Variants in ESRRG observed in about 807,000 individuals in gnomAD.
ESRRG encodes estrogen related receptor gamma, also known as estrogen-related receptor gamma.
Under a neutral mutation model 44.0 loss-of-function variants are expected in ESRRG, and 13 were observed. That is an observed-to-expected ratio of 0.30 (90% CI 0.19 to 0.47). ESRRG has a LOEUF of 0.47. Among genes scored for constraint, ESRRG ranks in the 20% least tolerant of loss-of-function variants. The probability of loss-of-function intolerance (pLI) is 1.00; values close to 1 mark genes in which losing one functional copy is unlikely to be tolerated. For missense variants in ESRRG, 395 were observed against 580.6 expected (o/e 0.68, Z 3.29); for synonymous variants, 215 against 214.6 (o/e 1.00, Z -0.02).
chr1:216,715,979 A>C (rs181737593), intron 1 of ESRRG, among the ~76,000 whole-genome samples: 25 of 152,158 alleles, frequency 1.6e-4, no homozygotes, highest in Admixed American at 1.2e-3. Flanking sequence ...ATAAGTTCTT[A>C]ATTTATATTT....
In ESRRG at chr1:216,957,476, A is replaced by C. The variant is rs545944399; in HGVS notation, c.-105-17803T>G. Among the ~76,000 whole-genome samples the C allele has an allele frequency of 3.3e-5, 5 of 152,238 alleles. 1 individual carries two copies. In the South Asian group the frequency reaches 1.0e-3, roughly 32 times the overall value. On this transcript the variant is annotated intron_variant, in intron 1 of 7. Coordinates refer to the ESRRG transcript ENST00000359162. ...CCACATTACTCTCATTCTTTAAGCA[A>C]ATCTATCCTTCCCCAATATTTTACG...
chr1:217,133,641 C>CTTTCTTTCTTTCTTTCTT lies in ESRRG; in HGVS notation c.-230+4025_-230+4026insAAGAAAGAAAGAAAGAAA, dbSNP rs748711287. Among the ~76,000 whole-genome samples the CTTTCTTTCTTTCTTTCTT allele has an allele frequency of 6.4e-3, 268 of 41,728 alleles. 3 individuals are homozygous for CTTTCTTTCTTTCTTTCTT. The highest frequency in any genetic ancestry group is 0.017 in the African/African-American group (225 of 13,582). 27.4% of individuals were successfully genotyped at this position (41,728 alleles called of 152,430 possible). ...TCTTTCTTTCTTTCTTTCTCTCTCTCTCTCTCTTTCTTTCTTTCTTTCTTT... is the reference window on the plus strand; with the variant it reads ...TCTTTCTTTCTTTCTTTCTCTCTCTCTTTCTTTCTTTCTTTCTTTCTCTCTTTCTTTCTTTCTTTCTTT... On this transcript the variant is annotated intron_variant, in intron 1 of 8. Coordinates refer to the ESRRG transcript ENST00000366940.
intron 3 of ESRRG, among the ~76,000 whole-genome samples, chr1:216,627,201 T>C (rs1264793853): frequency 6.6e-6 from 1 of 152,240 alleles, no homozygotes; most frequent in Non-Finnish European, 1.5e-5. Context: ...AACTAGTTTG[T>C]AGCTACAAAT....
intron 1 of ESRRG, among the ~76,000 whole-genome samples, chr1:217,010,780 A>C (rs1202379260): frequency 2.0e-5 from 3 of 152,222 alleles, no homozygotes; most frequent in Non-Finnish European, 2.9e-5. Flanking sequence ...CCAGGAAAAC[A>C]ATGACCTTGA....
intron 5 of ESRRG, among the ~76,000 whole-genome samples, chr1:216,532,799 C>T (rs1000006751): frequency 3.9e-4 from 59 of 152,106 alleles, no homozygotes; most frequent in East Asian, 3.9e-4. Context: ...TATTTAGATC[C>T]GTAAAACATT....
At chr1:216,744,472 GCACACAGACATGCACA>G (rs1302405265) in intron 2 of ESRRG, among the ~76,000 whole-genome samples, 1 of 79,884 alleles carries the variant, frequency 1.3e-5, no homozygotes. Context: ...TTGAATATGT[GCACACAGACATGCACA>G]CACACACACA....
chr1:216,709,214 T>C (rs1418370271), intron 1 of ESRRG, among the ~76,000 whole-genome samples: 1 of 151,826 alleles, frequency 6.6e-6, no homozygotes, highest in East Asian at 1.9e-4. Flanking sequence ...TAAAGTATAA[T>C]TTAAAAAAAA....
At chr1:216,848,398 C>CTTTTTTTTTTT (rs34200168) in intron 2 of ESRRG, among the ~76,000 whole-genome samples, 2 of 142,864 alleles carry the variant, frequency 1.4e-5, no homozygotes, top group African/African-American at 2.6e-5. Flanking sequence ...AATTTCTTGG[C>CTTTTTTTTTTT]TTTTTTTTTT....
intron 1 of ESRRG, among the ~76,000 whole-genome samples, chr1:217,123,767 G>A (rs188553682): frequency 8.2e-4 from 125 of 152,134 alleles, no homozygotes; most frequent in African/African-American, 2.9e-3. Context: ...AGAGTAGGGG[G>A]GCAGCAAGAG....
intron 2 of ESRRG, among the ~76,000 whole-genome samples, chr1:216,886,252 T>C (rs1338405414): frequency 6.6e-6 from 1 of 152,092 alleles, no homozygotes; most frequent in Non-Finnish European, 1.5e-5. Flanking sequence ...TCCTGTAGGG[T>C]CACCTGGAGC....
chr1:216,751,176 A>C (rs189730580), intron 2 of ESRRG, among the ~76,000 whole-genome samples: 1 of 152,282 alleles, frequency 6.6e-6, no homozygotes, highest in East Asian at 1.9e-4. Flanking sequence ...TTACACGCTT[A>C]AGAGAAAATG....
chr1:216,906,264 A>G (rs1410356021), intron 2 of ESRRG, among the ~76,000 whole-genome samples: 1 of 152,190 alleles, frequency 6.6e-6, no homozygotes. Context: ...AACTCTATAT[A>G]AATATAATAA....
chr1:216,559,692 C>T (rs1572966481), intron 5 of ESRRG, among the ~76,000 whole-genome samples: 1 of 152,174 alleles, frequency 6.6e-6, no homozygotes, highest in Non-Finnish European at 1.5e-5. Context: ...ATCCTAATCA[C>T]TTAATGGTGC....
chr1:217,029,490 C>T (rs2081721010), intron 1 of ESRRG, among the ~76,000 whole-genome samples: 1 of 152,170 alleles, frequency 6.6e-6, no homozygotes, highest in East Asian at 1.9e-4. Flanking sequence ...CTGACTTACA[C>T]AACAGGTCCT....
chr1:216,766,159 C>T (rs942023264), intron 2 of ESRRG, among the ~76,000 whole-genome samples: 9 of 152,006 alleles, frequency 5.9e-5, no homozygotes, highest in African/African-American at 1.9e-4. Flanking sequence ...CAAAGGAACC[C>T]GGTCCTTATT....
intron 2 of ESRRG, among the ~76,000 whole-genome samples, chr1:216,812,462 T>C (rs2095003663): frequency 6.6e-6 from 1 of 152,164 alleles, no homozygotes; most frequent in African/African-American, 2.4e-5. Context: ...TGTGTTCATG[T>C]AGTAGATTGC....
chr1:216,845,123 G>A (rs138664440), intron 2 of ESRRG, among the ~76,000 whole-genome samples: 4 of 152,068 alleles, frequency 2.6e-5, no homozygotes, highest in East Asian at 1.9e-4. Flanking sequence ...ACCAATGTAC[G>A]TACATATGTT....
At chr1:216,998,637 G>T (rs953491021) in intron 1 of ESRRG, among the ~76,000 whole-genome samples, 18 of 152,134 alleles carry the variant, frequency 1.2e-4, no homozygotes, top group African/African-American at 4.3e-4. Context: ...GGTTTTCAGT[G>T]ATTTTAATCT....
rs551198094 is a variant in ESRRG, at chr1:216,537,826, AT to A, written c.863-18406del. Among the ~76,000 whole-genome samples the A allele has an allele frequency of 2.4e-4, 37 of 152,196 alleles. No homozygotes were observed. In the South Asian group the frequency reaches 6.2e-3, roughly 26 times the overall value. On this transcript the variant is annotated intron_variant, in intron 5 of 6. Transcript: ENST00000408911. ...ACCCACTCCAAGTCACCTGACTAAA[AT>A]TATTAGAGGTATGATTTGTACCGAT...
Sources: allele counts gnomAD v4.1 joint callset (sites outside exome capture counted in the v4.1 genomes callset), GRCh38; gene constraint gnomAD v4.1.1; transcripts MANE v1.5; gene names NCBI Gene and HGNC (gene_info 2026-07-23, HGNC 2026-07-21).